The following ERG variants were observed in gnomAD, a reference collection of about 807,000 sequenced individuals.
The protein encoded by ERG is transcriptional regulator ERG.
In ERG, 9 loss-of-function variants were observed where a neutral mutation model predicts 55.3. That is an observed-to-expected ratio of 0.16 (90% CI 0.10 to 0.28). ERG has a LOEUF of 0.28. Among genes scored for constraint, ERG ranks in the 10% least tolerant of loss-of-function variants. ERG has a pLI of 1.00. For missense variants in ERG, 434 were observed against 631.6 expected (o/e 0.69, Z 3.35); for synonymous variants, 223 against 237.3 (o/e 0.94, Z 0.55).
rs879449636 is a variant in ERG, at chr21:38,548,450, AT to A, written c.-41+27211del. Among the ~76,000 whole-genome samples, 690 of 141,508 alleles carry A rather than the reference AT, an allele frequency of 4.9e-3. 6 individuals carry two copies. The highest frequency in any genetic ancestry group is 8.3e-3 in the African/African-American group (317 of 38,226). 92.8% of individuals were successfully genotyped at this position (141,508 alleles called of 152,430 possible). A position where few individuals can be genotyped will look rare whatever the true frequency, so the allele number is the denominator to read the frequency against. On this transcript the variant is annotated intron_variant, in intron 2 of 8. Transcript: ENST00000398897. Reference sequence around the variant, plus strand: ...CTTAAACAGAGACCATTATCATATGATTTTTTTTTTTTTTTGAGACGGAAGC... The same window carrying A: ...CTTAAACAGAGACCATTATCATATGATTTTTTTTTTTTTTGAGACGGAAGC...
At chr21:38,500,679 TCTAA>T (rs1339360027), upstream of ERG, among the ~76,000 whole-genome samples, 1 of 152,220 alleles carries the variant, frequency 6.6e-6, no homozygotes, top group Non-Finnish European at 1.5e-5. Flanking sequence ...TCCATCATTT[TCTAA>T]CTAATAAAAA....
intron 3 of ERG, among the ~76,000 whole-genome samples, chr21:38,422,872 G>T (rs17815661): frequency 0.066 from 10,037 of 152,140 alleles, 441 homozygotes; most frequent in Non-Finnish European, 0.088. Flanking sequence ...CCAGATAAGA[G>T]AATTTTAAAA....
upstream of ERG, among the ~76,000 whole-genome samples, chr21:38,502,144 T>A (rs1177144561): frequency 1.3e-5 from 2 of 152,200 alleles, no homozygotes; most frequent in Non-Finnish European, 2.9e-5. Flanking sequence ...AACAGAAGAT[T>A]CACTCATGAC....
At position 38,383,540 on chromosome 21, in the gene ERG, G is replaced by A. The variant is rs1403874321; in HGVS notation, c.1303C>T (p.Pro435Ser). 1 of 1,582,850 alleles carries A rather than the reference G, an allele frequency of 6.3e-7. No homozygotes were observed. The highest frequency in any genetic ancestry group is 8.6e-7 in the Non-Finnish European group (1 of 1,160,930). Residue 435 changes from proline to serine, a missense_variant, in exon 10 of 10, where the codon CCT becomes TCT. Transcript: ENST00000288319. The surrounding 1 kb of genome is among the most constrained non-coding windows in gnomAD (Gnocchi z 5.7). ...GAAGATGTCACGGGGAGGGCTGGAG[G>A]GTGGGGCGCCACAAAGTTCATCTTC... Reference protein sequence around the residue: ...PQKMNFVAPHPPALPVTSSSF... With the variant: ...PQKMNFVAPHSPALPVTSSSF...
chr21:38,585,532 C>CTTTTTTTTTTTTTTGTT (rs2060057873), upstream of ERG, among the ~76,000 whole-genome samples: 1 of 59,270 alleles, frequency 1.7e-5, no homozygotes, highest in Non-Finnish European at 3.1e-5. Context: ...TCTCTCTCTT[C>CTTTTTTTTTTTTTTGTT]TTTTTTTTTT....
chr21:38,568,055 CT>C (rs1362642115), intron 2 of ERG, among the ~76,000 whole-genome samples: 1 of 152,082 alleles, frequency 6.6e-6, no homozygotes, highest in African/African-American at 2.4e-5. Context: ...CAGTTCACTT[CT>C]TGGGAAGTAC....
rs182858864 is a variant in ERG at position 38,599,551 on chromosome 21, G to A, written c.-149-14606C>T. ...CCTGCTCCAACCCTGGAGAACCAGA[G>A]GCAGAGGTCAGTGGTAAGGAGAGGA... is the stretch of plus-strand genomic sequence containing the variant. On this transcript the variant is annotated intron_variant, in intron 1 of 10. Coordinates refer to the ERG transcript ENST00000398910. Among the ~76,000 whole-genome samples the A allele has an allele frequency of 3.3e-5, 5 of 152,340 alleles. No homozygotes were observed. The East Asian group carries it at 9.7e-4, about 29-fold the overall frequency.
chr21:38,415,828 T>C (rs1203529514), intron 3 of ERG, among the ~76,000 whole-genome samples: 1 of 152,058 alleles, frequency 6.6e-6, no homozygotes, highest in Non-Finnish European at 1.5e-5. Context: ...TAGATTACTG[T>C]TAACTTGATA....
chr21:38,634,821 C>T (rs1278299932), intron 1 of ERG, among the ~76,000 whole-genome samples: 1 of 152,202 alleles, frequency 6.6e-6, no homozygotes, highest in African/African-American at 2.4e-5. Context: ...GGAAGGTATA[C>T]TGTAGAATCC....
upstream of ERG, among the ~76,000 whole-genome samples, chr21:38,501,147 G>A (rs540123926): frequency 7.2e-6 from 1 of 139,784 alleles, no homozygotes; most frequent in South Asian, 2.3e-4. Context: ...CTCACTGCAA[G>A]CTCCGCCTCC....
In ERG at chr21:38,423,528, G is replaced by A. The variant is rs146525668; in HGVS notation, c.270C>T (p.Gly90=). ...TGTCTGGGCTGCCCACCATCTTCCC[G>A]CCTTTGGCCACACTGCATTCATCAG... ...NSPDECSVAK[G]GKMVGSPDTV... is the part of the protein sequence containing the mutation. The change falls in exon 3 of 10, where the codon GGC becomes GGT. Residue 90 remains glycine (G), a synonymous_variant. Transcript: ENST00000288319. 60 of 1,614,002 alleles carry A rather than the reference G, an allele frequency of 3.7e-5. 1 individual carries two copies. The highest frequency in any genetic ancestry group is 1.5e-4 in the South Asian group (14 of 91,074).
intron 1 of ERG, among the ~76,000 whole-genome samples, chr21:38,450,698 T>C (rs2058933641): frequency 6.6e-6 from 1 of 152,240 alleles, no homozygotes; most frequent in Admixed American, 6.5e-5. Context: ...TCTTAAATTC[T>C]ATTTTGTTGA....
chr21:38,375,536 C>T (rs968043339), downstream of ERG, among the ~76,000 whole-genome samples: 6 of 152,224 alleles, frequency 3.9e-5, no homozygotes, highest in Non-Finnish European at 8.8e-5. Flanking sequence ...ATCTTGGATG[C>T]TAATAATACA....
At chr21:38,477,451 T>C (rs2059199554) in intron 1 of ERG, among the ~76,000 whole-genome samples, 3 of 152,126 alleles carry the variant, frequency 2.0e-5, no homozygotes, top group African/African-American at 2.4e-5. Flanking sequence ...TTGGTTTTCA[T>C]GGGGAGCAAA....
At chr21:38,524,658 A>G (rs2059617809) in intron 2 of ERG, among the ~76,000 whole-genome samples, 1 of 152,238 alleles carries the variant, frequency 6.6e-6, no homozygotes, top group Non-Finnish European at 1.5e-5. Flanking sequence ...TCTGTAATTT[A>G]AAACTCCAAG....
chr21:38,655,995 C>A (rs1195977869), intron 1 of ERG, among the ~76,000 whole-genome samples: 3 of 152,180 alleles, frequency 2.0e-5, no homozygotes, highest in Non-Finnish European at 4.4e-5. Flanking sequence ...GAGGCCAGGG[C>A]TCTCTCCCTC....
At chr21:38,617,084 C>T (rs1373632389) in intron 1 of ERG, among the ~76,000 whole-genome samples, 1 of 152,204 alleles carries the variant, frequency 6.6e-6, no homozygotes, top group Non-Finnish European at 1.5e-5. Flanking sequence ...CCAAACCCAA[C>T]CTCTGAATGA....
intron 1 of ERG, among the ~76,000 whole-genome samples, chr21:38,457,298 T>C (rs1257529397): frequency 2.0e-5 from 3 of 152,076 alleles, no homozygotes; most frequent in Admixed American, 6.5e-5. Context: ...TAGCTGGGCG[T>C]GGTGGCACAT....
chr21:38,616,859 T>G (rs1434906732), intron 1 of ERG, among the ~76,000 whole-genome samples: 1 of 152,198 alleles, frequency 6.6e-6, no homozygotes, highest in Non-Finnish European at 1.5e-5. Flanking sequence ...CAGTTTTGAT[T>G]GCTGAAATTT....
Sources: allele counts gnomAD v4.1 joint callset (sites outside exome capture counted in the v4.1 genomes callset), GRCh38; gene constraint gnomAD v4.1.1; non-coding constraint Gnocchi (gnomAD v3.1); transcripts MANE v1.5; gene names NCBI Gene and HGNC (gene_info 2026-07-23, HGNC 2026-07-21).